Variants in MIR2052HG observed in about 807,000 individuals in gnomAD.
MIR2052HG encodes MIR2052 host gene.
chr8:74,631,930 C>A (rs1004419956), intron 2 of MIR2052HG, among the ~76,000 whole-genome samples: 1 of 152,168 alleles, frequency 6.6e-6, no homozygotes, highest in African/African-American at 2.4e-5. Flanking sequence ...ATGAGGCCCT[C>A]ATGATTTAAT....
chr8:74,612,883 A>C (rs769575280), exon 2 of MIR2052HG: 36 of 456,258 alleles, frequency 7.9e-5, no homozygotes, highest in South Asian at 5.6e-4. Context: ...CCAGAGACAA[A>C]GGTGGCAGCT....
intron 4 of MIR2052HG, among the ~76,000 whole-genome samples, chr8:74,714,751 C>T (rs1809504343): frequency 7.0e-6 from 1 of 143,198 alleles, no homozygotes; most frequent in African/African-American, 2.6e-5. Flanking sequence ...TCCACCCAGG[C>T]TGGAGTGCAG....
intron 2 of MIR2052HG, among the ~76,000 whole-genome samples, chr8:74,686,772 T>C (rs1809186097): frequency 6.6e-6 from 1 of 152,116 alleles, no homozygotes; most frequent in Non-Finnish European, 1.5e-5. Flanking sequence ...TAATCACCAC[T>C]CCTGTCCTGG....
chr8:74,700,082 AC>A lies in MIR2052HG; in HGVS notation n.217-2295del, dbSNP rs1809343233. Among the ~76,000 whole-genome samples the A allele has an allele frequency of 2.6e-5, 4 of 152,192 alleles. No individual in the cohort carries two copies. In the South Asian group the frequency reaches 8.3e-4, roughly 31 times the overall value. On this transcript the variant is annotated intron_variant and non_coding_transcript_variant, in intron 2 of 6. Transcript: ENST00000523442. ...GTAAAATCATTTTACCAATGAGAGA[AC>A]CGAAGTATACATAGGGATATGAGAT...
At chr8:74,603,797 C>T in intron 1 of MIR2052HG, 1 of 841,772 alleles carries the variant, frequency 1.2e-6, no homozygotes, top group Non-Finnish European at 2.1e-6. Flanking sequence ...TGTGGGATGC[C>T]AGCAATAGTG....
chr8:74,696,457 A>G lies in MIR2052HG; in HGVS notation n.217-5922A>G, dbSNP rs1278733775. ...ACTAAAACCCAAACCCAGCAGAAGA[A>G]AAGAAATAACCAAGATCAAAGCAGA... On this transcript the variant is annotated intron_variant and non_coding_transcript_variant, in intron 2 of 6. Coordinates refer to ENST00000523442, the Ensembl canonical transcript of MIR2052HG. 2.0e-5 allele frequency among the ~76,000 whole-genome samples: 3 copies of G among 152,162 alleles called. No homozygotes were observed. The East Asian group carries it at 5.8e-4, about 29-fold the overall frequency.
chr8:74,654,366 G>A (rs566958561), intron 2 of MIR2052HG, among the ~76,000 whole-genome samples: 3 of 152,178 alleles, frequency 2.0e-5, no homozygotes, highest in South Asian at 4.2e-4. Context: ...ATACATGGGT[G>A]TTTCCATTGA....
chr8:74,720,085 C>T (rs1473057346), intron 4 of MIR2052HG, among the ~76,000 whole-genome samples: 1 of 152,104 alleles, frequency 6.6e-6, no homozygotes, highest in East Asian at 1.9e-4. Flanking sequence ...CTCCTGACCT[C>T]ATGATCCCCC....
chr8:74,754,111 T>C (rs1423887475), intron 5 of MIR2052HG, among the ~76,000 whole-genome samples: 1 of 152,204 alleles, frequency 6.6e-6, no homozygotes, highest in Admixed American at 6.5e-5. Context: ...CATTTCCTCG[T>C]CTGTAAAATG....
chr8:74,709,707 C>G (rs967483941), intron 4 of MIR2052HG, among the ~76,000 whole-genome samples: 1 of 152,084 alleles, frequency 6.6e-6, no homozygotes. Context: ...TCACACATTA[C>G]TTAGCAGTTA....
At chr8:74,622,755 C>T (rs372077084) in intron 2 of MIR2052HG, among the ~76,000 whole-genome samples, 11 of 151,062 alleles carry the variant, frequency 7.3e-5, no homozygotes, top group East Asian at 1.9e-4. Context: ...GGTGAGCATG[C>T]GGGGAAAAAA....
At chr8:74,705,647 G>A (rs1809402854) in intron 4 of MIR2052HG, 1 of 169,760 alleles carries the variant, frequency 5.9e-6, no homozygotes, top group Non-Finnish European at 1.5e-5. Context: ...GAAAGAAGGG[G>A]GAAAAAAAGA....
At chr8:74,631,344 T>C (rs570545601) in intron 2 of MIR2052HG, among the ~76,000 whole-genome samples, 3 of 152,240 alleles carry the variant, frequency 2.0e-5, no homozygotes, top group African/African-American at 2.4e-5. Flanking sequence ...TGGTTTCTGG[T>C]ATAGAAGAAT....
intron 4 of MIR2052HG, among the ~76,000 whole-genome samples, chr8:74,725,490 A>G (rs985614491): frequency 1.3e-5 from 2 of 152,194 alleles, no homozygotes; most frequent in African/African-American, 4.8e-5. Flanking sequence ...CGGGGTGGCT[A>G]CTTGACAGAG....
At chr8:74,697,527 A>AG (rs982580950) in intron 2 of MIR2052HG, among the ~76,000 whole-genome samples, 1 of 152,178 alleles carries the variant, frequency 6.6e-6, no homozygotes, top group African/African-American at 2.4e-5. Flanking sequence ...GCAAAGAGGG[A>AG]GTCAAACTGT....
rs183292480 is a variant in MIR2052HG, at chr8:74,751,803, G to T, written n.372-638G>T. ...GTGAAATACACAGGCCCATAATTGA[G>T]AAATGTGTAATCACTACTAGGTTAA... On this transcript the variant is annotated intron_variant and non_coding_transcript_variant, in intron 4 of 6. Transcript: ENST00000523442. 2.3e-4 allele frequency among the ~76,000 whole-genome samples: 35 copies of T among 152,278 alleles called. No individual in the cohort carries two copies. The East Asian group carries it at 6.8e-3, about 29-fold the overall frequency.
At chr8:74,648,986 A>T (rs983440819) in intron 2 of MIR2052HG, among the ~76,000 whole-genome samples, 2 of 152,132 alleles carry the variant, frequency 1.3e-5, no homozygotes, top group Admixed American at 1.3e-4. Context: ...TAGTGGGGAC[A>T]TCTGGATCTC....
chr8:74,755,044 G>A (rs1809985362), intron 5 of MIR2052HG, among the ~76,000 whole-genome samples: 1 of 152,142 alleles, frequency 6.6e-6, no homozygotes, highest in African/African-American at 2.4e-5. Flanking sequence ...TCGTCCAGGG[G>A]ACCCACAGCT....
intron 2 of MIR2052HG, among the ~76,000 whole-genome samples, chr8:74,678,462 C>T (rs28385505): frequency 0.019 from 2,705 of 143,416 alleles, 68 homozygotes; most frequent in African/African-American, 0.065. Flanking sequence ...ACTTGGGAGG[C>T]GGAGACAGGA....
Sources: gnomAD v4.1 joint callset for allele counts (sites outside exome capture counted in the v4.1 genomes callset) on GRCh38, gnomAD v4.1.1 for gene constraint, MANE v1.5 for transcripts, NCBI Gene and HGNC (gene_info 2026-07-23, HGNC 2026-07-21) for gene names.